ZNF618: variants seen among roughly 807,000 people sequenced by gnomAD.
ZNF618 encodes zinc finger protein 618, also known as neural precursor cell expressed, developmentally down-regulated 10.
In ZNF618, 34 loss-of-function variants were observed where a neutral mutation model predicts 103.0. The ratio of observed to expected loss-of-function variants is 0.33; its 90% CI spans 0.25 to 0.44. ZNF618 has a LOEUF of 0.44. ZNF618 is among the 20% of genes least tolerant of loss of function. The probability of loss-of-function intolerance (pLI) is 1.00; values close to 1 mark genes in which losing one functional copy is unlikely to be tolerated. For missense variants in ZNF618, 1,059 were observed against 1,295.4 expected (o/e 0.82, Z 2.80); for synonymous variants, 551 against 542.2 (o/e 1.02, Z -0.23).
chr9:113,938,558 T>C (rs1834242335), intron 1 of ZNF618, among the ~76,000 whole-genome samples: 1 of 108,950 alleles, frequency 9.2e-6, no homozygotes, highest in Non-Finnish European at 2.1e-5. Context: ...CCTCCCATTA[T>C]ATTTTCTTTT....
At chr9:113,939,661 C>G (rs1408114744) in intron 1 of ZNF618, among the ~76,000 whole-genome samples, 3 of 151,930 alleles carry the variant, frequency 2.0e-5, no homozygotes, top group Non-Finnish European at 2.9e-5. Flanking sequence ...TATTTGTTTT[C>G]TATTTCCTCT....
At chr9:113,908,150 T>TTGGCTTGGGAAAGTTCAGTGACTGA (rs375201957) in intron 1 of ZNF618, among the ~76,000 whole-genome samples, 5,096 of 150,920 alleles carry the variant, frequency 0.034, 81 homozygotes, top group African/African-American at 0.044. Context: ...TCTTGAGCCT[T>TTGGCTTGGGAAAGTTCAGTGACTGA]TGGCTTGGGA....
chr9:114,007,555 G>A, intron 7 of ZNF618, 116 bp downstream of exon 7: 1 of 953,910 alleles, frequency 1.0e-6, no homozygotes, highest in Non-Finnish European at 1.6e-6. Flanking sequence ...AGGCCAGGCA[G>A]TAGCTGGAAC....
At chr9:113,879,239 G>T (rs1426848026) in intron 1 of ZNF618, among the ~76,000 whole-genome samples, 3 of 151,914 alleles carry the variant, frequency 2.0e-5, no homozygotes, top group African/African-American at 4.8e-5. Flanking sequence ...CTGGTGCAAG[G>T]AATAAAAATA....
chr9:113,949,382 C>A (rs2132243460), intron 1 of ZNF618, among the ~76,000 whole-genome samples: 1 of 152,284 alleles, frequency 6.6e-6, no homozygotes. Flanking sequence ...CCCCACCATC[C>A]CTCCAGACCC....
intron 13 of ZNF618, among the ~76,000 whole-genome samples, chr9:114,038,515 G>A (rs1844833568): frequency 6.6e-6 from 1 of 152,350 alleles, no homozygotes; most frequent in South Asian, 2.1e-4. Context: ...AGCATCATGA[G>A]CTGCGCAGTT....
At chr9:113,876,464 G>T in intron 1 of ZNF618, 51 bp downstream of exon 1, 1 of 1,160,818 alleles carries the variant, frequency 8.6e-7, no homozygotes, top group South Asian at 4.3e-5. Context: ...CCGGGGGGCC[G>T]GGGCCCGGGG....
chr9:113,951,458 T>TACATATATATGTAC (rs1564207159), intron 1 of ZNF618, among the ~76,000 whole-genome samples: 1 of 54,660 alleles, frequency 1.8e-5, no homozygotes, highest in Non-Finnish European at 4.0e-5. Context: ...TGTGTATATA[T>TACATATATATGTAC]ACATATATGT....
At chr9:113,993,888 GA>G (rs11287224) in intron 3 of ZNF618, among the ~76,000 whole-genome samples, 89,427 of 151,996 alleles carry the variant, frequency 0.59, 26,793 homozygotes, top group Middle Eastern at 0.73. Flanking sequence ...AAGTCTCCAG[GA>G]GGGGATTTCA....
chr9:113,942,199 C>A (rs968085631), intron 1 of ZNF618, among the ~76,000 whole-genome samples: 4 of 151,988 alleles, frequency 2.6e-5, no homozygotes, highest in Admixed American at 2.0e-4. Context: ...GCCTCAATCT[C>A]CCCACTGAAA....
At chr9:114,010,804 C>G (rs1007010820) in intron 9 of ZNF618, among the ~76,000 whole-genome samples, 1 of 152,192 alleles carries the variant, frequency 6.6e-6, no homozygotes, top group Non-Finnish European at 1.5e-5. Context: ...CGTTGAGTAT[C>G]TATCTAGGAT....
At chr9:114,007,248 G>T in intron 6 of ZNF618, 102 bp from the exon 7 acceptor site, 1 of 905,892 alleles carries the variant, frequency 1.1e-6, no homozygotes, top group East Asian at 2.6e-5. Flanking sequence ...TAGCCAGACT[G>T]GGCTAGTTTC....
intron 10 of ZNF618, 149 bp downstream of exon 10, chr9:114,016,933 C>T (rs1842695429): frequency 4.8e-6 from 3 of 625,328 alleles, no homozygotes; most frequent in South Asian, 3.9e-5. Flanking sequence ...ATGTCTGACC[C>T]AGGGCCACCT....
rs368305021 is a variant in ZNF618, at chr9:114,036,796, G to A, written c.1246+419G>A. Among the ~76,000 whole-genome samples, 7 of 152,356 alleles carry A rather than the reference G, an allele frequency of 4.6e-5. No homozygotes were observed. The East Asian group carries it at 7.7e-4, about 17-fold the overall frequency. On this transcript the variant is annotated intron_variant, in intron 13 of 14. Transcript: ENST00000374126. Reference sequence around the variant, plus strand: ...GCAGCCCAAGGCAAGCTGGGCTAAGGCCCACCTCAGAGCAGAGTCTCATTC... The same window carrying A: ...GCAGCCCAAGGCAAGCTGGGCTAAGACCCACCTCAGAGCAGAGTCTCATTC...
At chr9:113,925,129 A>C (rs1222391517) in intron 1 of ZNF618, among the ~76,000 whole-genome samples, 1 of 151,752 alleles carries the variant, frequency 6.6e-6, no homozygotes, top group Non-Finnish European at 1.5e-5. Flanking sequence ...TTGATGGTGG[A>C]TTTGTCTATT....
intron 2 of ZNF618, 128 bp downstream of exon 2, chr9:113,969,288 A>C: frequency 8.6e-7 from 1 of 1,158,862 alleles, no homozygotes; most frequent in Non-Finnish European, 1.3e-6. Context: ...CCTCCTTGGC[A>C]AGAAGTATCC....
chr9:113,893,924 A>C (rs1015811276), intron 1 of ZNF618, among the ~76,000 whole-genome samples: 1 of 152,162 alleles, frequency 6.6e-6, no homozygotes, highest in African/African-American at 2.4e-5. Flanking sequence ...GTTCATTTGG[A>C]AAATAAATTT....
At position 113,951,615 on chromosome 9, in the gene ZNF618, A is replaced by G. The variant is rs1287775483; in HGVS notation, c.34-17502A>G. ...TGTGTGTGTATATATATGTATATAT[A>G]TATATGTATATATACTCCTCTCCCA... On this transcript the variant is annotated intron_variant, in intron 1 of 14. Coordinates refer to ENST00000374126, the MANE Select transcript of ZNF618 (RefSeq NM_001318042.2). 2.4e-4 allele frequency among the ~76,000 whole-genome samples: 35 copies of G among 147,828 alleles called. 2 individuals are homozygous for G. Among genetic ancestry groups the G allele is most frequent in the Non-Finnish European group, 4.5e-4 (30 of 67,034 alleles).
chr9:114,001,909 G>GCCACACTTGTAGGCATCGCCT, intron 4 of ZNF618, 87 bp from the exon 5 acceptor site: 4 of 1,154,860 alleles, frequency 3.5e-6, no homozygotes, highest in Non-Finnish European at 5.2e-6. Context: ...CAGAGAGTTA[G>GCCACACTTGTAGGCATCGCCT]CCACACTTGT....
Sources: gnomAD v4.1 joint callset for allele counts (sites outside exome capture counted in the v4.1 genomes callset) on GRCh38, gnomAD v4.1.1 for gene constraint, MANE v1.5 for transcripts, NCBI Gene and HGNC (gene_info 2026-07-23, HGNC 2026-07-21) for gene names.